The following ABCB1 variants were observed in gnomAD, a reference collection of about 807,000 sequenced individuals.
ABCB1 encodes the protein ATP binding cassette subfamily B member 1, also known as ATP-dependent translocase ABCB1.
A neutral mutation model predicts 142.0 loss-of-function variants in ABCB1; 69 were observed. The ratio of observed to expected loss-of-function variants is 0.49; its 90% confidence interval spans 0.40 to 0.59. ABCB1 has a LOEUF of 0.59. Ranked by LOEUF, ABCB1 falls within the 20% of genes least tolerant of loss-of-function variation. The pLI is 0.00. For synonymous variants in ABCB1, 532 were observed against 539.2 expected (o/e 0.99, Z 0.18); for missense variants, 1,326 against 1,554.7 (o/e 0.85, Z 2.47).
At chr7:87,643,078 G>C (rs764740124) in intron 1 of ABCB1, among the ~76,000 whole-genome samples, 43 of 152,172 alleles carry the variant, frequency 2.8e-4, no homozygotes, top group Non-Finnish European at 5.6e-4. Flanking sequence ...CACCATGCCT[G>C]ACTAATTTTT....
At chr7:87,555,542 T>G (rs573219220) in intron 8 of ABCB1, among the ~76,000 whole-genome samples, 1 of 152,288 alleles carries the variant, frequency 6.6e-6, no homozygotes, top group South Asian at 2.1e-4. Flanking sequence ...TACAAAAGCA[T>G]GCCAAGTGAA....
At chr7:87,605,378 C>T (rs1014846712), upstream of ABCB1, among the ~76,000 whole-genome samples, 4 of 152,178 alleles carry the variant, frequency 2.6e-5, no homozygotes, top group Admixed American at 2.0e-4. Flanking sequence ...AAGTGATCCA[C>T]CCACCTCAGC....
intron 26 of ABCB1, 50 bp downstream of exon 26, chr7:87,509,225 C>T (rs1563026264): frequency 7.5e-6 from 12 of 1,590,990 alleles, no homozygotes; most frequent in Non-Finnish European, 1.0e-5. Flanking sequence ...AACTATAGGC[C>T]AGAGAGGCTG....
At position 87,566,143 on chromosome 7, in the gene ABCB1, C is replaced by A; in HGVS notation, c.629G>T (p.Arg210Leu). The change falls in exon 7 of 28, where the codon CGT becomes CTT. Residue 210 changes from arginine to leucine, a missense_variant. Transcript: ENST00000622132. Reference sequence around the variant, plus strand: ...AATCACAAGGGTTAGCTTCCAACCACGTGTAAATCCTACTATAAACCCAGT... The same window carrying A: ...AATCACAAGGGTTAGCTTCCAACCAAGTGTAAATCCTACTATAAACCCAGT... The part of the protein sequence containing the change: ...FFTGFIVGFT[R>L]GWKLTLVILA... 6.2e-7 allele frequency: 1 copy of A among 1,614,136 alleles called. No homozygotes were observed. The highest frequency in any genetic ancestry group is 8.5e-7 in the Non-Finnish European group (1 of 1,180,004).
intron 1 of ABCB1, among the ~76,000 whole-genome samples, chr7:87,664,782 G>A (rs908899699): frequency 6.6e-6 from 1 of 152,062 alleles, no homozygotes; most frequent in Non-Finnish European, 1.5e-5. Flanking sequence ...TAGAAGGAGA[G>A]GAGGAAGAGA....
chr7:87,700,600 A>G (rs745998225), intron 1 of ABCB1: 7 of 1,566,190 alleles, frequency 4.5e-6, no homozygotes, highest in Non-Finnish European at 6.1e-6. Flanking sequence ...TTTTCATTGC[A>G]TGTATTTGGA....
chr7:87,619,497 C>T (rs1820146851), intron 1 of ABCB1, among the ~76,000 whole-genome samples: 2 of 151,202 alleles, frequency 1.3e-5, no homozygotes, highest in South Asian at 2.1e-4. Context: ...CAAGACTGTG[C>T]CACTGTACTC....
chr7:87,634,455 C>G (rs574543737), intron 1 of ABCB1, among the ~76,000 whole-genome samples: 100 of 125,682 alleles, frequency 8.0e-4, no homozygotes, highest in African/African-American at 3.1e-3. Context: ...AACCCCGTCT[C>G]TACTAAAAAT....
Position 87,544,841 on chromosome 7 carries a change from A to T in ABCB1, c.2046T>A (p.Leu682=). 1.2e-6 allele frequency: 2 copies of T among 1,614,044 alleles called. No homozygotes were observed. The highest frequency in any genetic ancestry group is 2.2e-5 in the South Asian group (2 of 91,074). ...VRGSQAQDRK[L]STKEALDESI... is the part of the protein sequence containing the mutation. ...TTCATACCAGAGCCTCTTTGGTACTAAGCTTTCTGTCTTGGGCTTGTGATC... is the reference window on the plus strand; with the variant it reads ...TTCATACCAGAGCCTCTTTGGTACTTAGCTTTCTGTCTTGGGCTTGTGATC... Residue 682 remains leucine (L), a synonymous_variant, in exon 16 of 28, where the codon CTT becomes CTA. Transcript: ENST00000622132.
chr7:87,646,577 C>T (rs1417300552), intron 1 of ABCB1, among the ~76,000 whole-genome samples: 1 of 152,124 alleles, frequency 6.6e-6, no homozygotes, highest in Non-Finnish European at 1.5e-5. Context: ...TTCCATTCTA[C>T]TGAATGAAGA....
intron 7 of ABCB1, among the ~76,000 whole-genome samples, chr7:87,562,216 G>A (rs1817586609): frequency 6.6e-6 from 1 of 152,194 alleles, no homozygotes; most frequent in African/African-American, 2.4e-5. Context: ...CTAGAGGAAT[G>A]GGTGGATGAA....
chr7:87,603,943 T>C (rs1200659405), upstream of ABCB1, among the ~76,000 whole-genome samples: 1 of 152,188 alleles, frequency 6.6e-6, no homozygotes, highest in Non-Finnish European at 1.5e-5. Flanking sequence ...CCCTAAACAT[T>C]CAACATTGCT....
chr7:87,688,704 T>A (rs1193216919), intron 1 of ABCB1, among the ~76,000 whole-genome samples: 1 of 151,988 alleles, frequency 6.6e-6, no homozygotes, highest in Non-Finnish European at 1.5e-5. Flanking sequence ...ATATTTTTCT[T>A]AGTTCTGTAA....
chr7:87,644,149 G>GT (rs1303814642), intron 1 of ABCB1, among the ~76,000 whole-genome samples: 2 of 152,238 alleles, frequency 1.3e-5, no homozygotes, highest in Non-Finnish European at 2.9e-5. Context: ...GTGAGCCACC[G>GT]TGCCCAGACC....
rs760874215 is a variant in ABCB1, at chr7:87,549,912, T to C, written c.1493A>G (p.Asp498Gly). Reference protein sequence around the residue: ...IRYGRENVTMDEIEKAVKEAN... With the variant: ...IRYGRENVTMGEIEKAVKEAN... The stretch of plus-strand genomic sequence containing the variant: ...TTCCTTGACAGCTTTCTCAATCTCA[T>C]CCATGGTGACATTTTCACGGCCATA... Residue 498 changes from aspartate (D) to glycine (G), a missense_variant, in exon 13 of 28, where the codon GAT (aspartate) becomes GGT (glycine). Transcript: ENST00000622132. 6 of 1,614,184 alleles carry C rather than the reference T, an allele frequency of 3.7e-6. No individual in the cohort carries two copies. The highest frequency in any genetic ancestry group is 2.5e-6 in the Non-Finnish European group (3 of 1,180,028).
chr7:87,676,883 A>G, intron 1 of ABCB1, among the ~76,000 whole-genome samples: 1 of 152,164 alleles, frequency 6.6e-6, no homozygotes, highest in East Asian at 1.9e-4. Context: ...ACTCGATATC[A>G]CTACTCATCA....
chr7:87,600,214 A>C, intron 1 of ABCB1, 24 bp from the exon 2 acceptor site: 1 of 1,600,420 alleles, frequency 6.2e-7, no homozygotes, highest in Non-Finnish European at 8.6e-7. Flanking sequence ...GCAGCTCATT[A>C]GCCAAATGCA....
chr7:87,614,726 C>T (rs1206929636), intron 1 of ABCB1, among the ~76,000 whole-genome samples: 1 of 152,132 alleles, frequency 6.6e-6, no homozygotes, highest in Non-Finnish European at 1.5e-5. Context: ...ACATTGTTTC[C>T]TGTCTCTCCT....
intron 1 of ABCB1, 58 bp from the exon 2 acceptor site, chr7:87,600,248 G>T: frequency 4.3e-6 from 6 of 1,390,716 alleles, no homozygotes; most frequent in South Asian, 1.2e-5. Context: ...CGCTGGAGGT[G>T]AGACTAACCT....
Sources: gnomAD v4.1 joint callset for allele counts (sites outside exome capture counted in the v4.1 genomes callset) on GRCh38, gnomAD v4.1.1 for gene constraint, MANE v1.5 for transcripts, NCBI Gene and HGNC (gene_info 2026-07-23, HGNC 2026-07-21) for gene names.